Variants in OCRL observed in about 807,000 individuals in gnomAD.
OCRL encodes inositol polyphosphate 5-phosphatase OCRL.
Under a neutral mutation model 78.9 loss-of-function variants are expected in OCRL, and 8 were observed. The ratio of observed to expected loss-of-function variants is 0.10; its 90% confidence interval spans 0.06 to 0.18. The LOEUF is 0.18. Ranked by LOEUF, OCRL falls within the 10% of genes least tolerant of loss-of-function variation. OCRL has a pLI of 1.00. For missense variants in OCRL, 454 were observed against 696.7 expected (o/e 0.65, Z 3.92); for synonymous variants, 240 against 235.4 (o/e 1.02, Z -0.18).
chrX:129,545,460 G>T (rs1265564646), intron 3 of OCRL, among the ~76,000 whole-genome samples: 1 of 112,441 alleles, frequency 8.9e-6, no homozygotes, highest in Non-Finnish European at 1.9e-5. Context: ...AACATGCCTT[G>T]CCAGACTGTA....
intron 14 of OCRL, among the ~76,000 whole-genome samples, chrX:129,568,072 C>T (rs866375700): frequency 3.4e-4 from 37 of 110,241 alleles, no homozygotes; most frequent in African/African-American, 1.1e-3. Context: ...CGCCACCACG[C>T]CCGGCTAATT....
chrX:129,585,588 T>A (rs1180911936), intron 19 of OCRL, among the ~76,000 whole-genome samples: 1 of 112,106 alleles, frequency 8.9e-6, no homozygotes, highest in Non-Finnish European at 1.9e-5. Context: ...GATTTGATAT[T>A]TGTAACTGGA....
intron 3 of OCRL, among the ~76,000 whole-genome samples, chrX:129,547,540 A>AG (rs1316386095): frequency 2.7e-5 from 3 of 109,107 alleles, no homozygotes; most frequent in African/African-American, 1.0e-4. Flanking sequence ...AAAAAAAAAA[A>AG]AAAGAAAAAG....
chrX:129,562,138 A>G (rs113436438), intron 10 of OCRL, among the ~76,000 whole-genome samples: 1 of 112,041 alleles, frequency 8.9e-6, no homozygotes, highest in Non-Finnish European at 1.9e-5. Context: ...GATTAAAAGA[A>G]TAGATCTAGA....
intron 18 of OCRL, among the ~76,000 whole-genome samples, chrX:129,577,727 C>T (rs761575329): frequency 1.8e-3 from 201 of 111,954 alleles, no homozygotes; most frequent in Non-Finnish European, 3.0e-3. Flanking sequence ...ATACTTATTT[C>T]CCCAGAGCCC....
In OCRL at chrX:129,570,126, T is replaced by TA. The variant is rs770838648; in HGVS notation, c.1602+728dup. ...GTATTTTTAAACTGTGTGTTATTGG[T>TA]ATGTAGGTCATATCTTGTAATCATG... On this transcript the variant is annotated intron_variant, in intron 15 of 23. Transcript: ENST00000371113. 3.6e-5 allele frequency among the ~76,000 whole-genome samples: 4 copies of TA among 112,160 alleles called. No individual in the cohort carries two copies. In the South Asian group the frequency reaches 1.1e-3, roughly 31 times the overall value.
At chrX:129,569,833 AT>A (rs1347980120) in intron 15 of OCRL, among the ~76,000 whole-genome samples, 3 of 88,678 alleles carry the variant, frequency 3.4e-5, no homozygotes, top group Non-Finnish European at 6.9e-5. Context: ...CCCTACACTT[AT>A]TTTTTCTTTT....
chrX:129,542,080 C>T (rs373733545), intron 2 of OCRL, among the ~76,000 whole-genome samples: 1 of 111,998 alleles, frequency 8.9e-6, no homozygotes, highest in Non-Finnish European at 1.9e-5. Context: ...AGAGGTGACC[C>T]TTGGGCAAAC....
intron 15 of OCRL, among the ~76,000 whole-genome samples, chrX:129,570,057 A>G (rs1008762869): frequency 3.6e-5 from 4 of 110,290 alleles, no homozygotes; most frequent in African/African-American, 1.3e-4. Flanking sequence ...ATGGCCAGTT[A>G]TTTAATTTTC....
chrX:129,554,606 T>C (rs900497206), intron 4 of OCRL, among the ~76,000 whole-genome samples: 8 of 111,266 alleles, frequency 7.2e-5, no homozygotes, highest in Admixed American at 1.9e-4. Context: ...TTAGGACAAA[T>C]ACAGACACCA....
intron 4 of OCRL, among the ~76,000 whole-genome samples, chrX:129,551,012 T>C (rs963808578): frequency 4.5e-5 from 5 of 111,457 alleles, no homozygotes; most frequent in African/African-American, 1.6e-4. Context: ...GTATACTGAA[T>C]TTTAGCAAAT....
intron 18 of OCRL, 121 bp from the exon 19 acceptor site, chrX:129,584,223 G>T (rs1017992563): frequency 6.9e-6 from 4 of 581,268 alleles, no homozygotes; most frequent in Non-Finnish European, 1.2e-5. Flanking sequence ...ATTCAAAGCT[G>T]TTTAAAGCAT....
chrX:129,580,505 A>G (rs1005946148), intron 18 of OCRL, among the ~76,000 whole-genome samples: 1 of 112,168 alleles, frequency 8.9e-6, no homozygotes, highest in South Asian at 3.7e-4. Flanking sequence ...TGAGGTTGCA[A>G]ATTGATATAG....
chrX:129,553,520 G>A (rs758244701), intron 4 of OCRL, among the ~76,000 whole-genome samples: 4 of 111,999 alleles, frequency 3.6e-5, no homozygotes, highest in South Asian at 3.7e-4. Flanking sequence ...AAGGGAAAGC[G>A]TTAAGGATAT....
chrX:129,588,309 C>T lies in OCRL; in HGVS notation c.2341+46C>T, dbSNP rs202144920. 3.1e-4 allele frequency: 277 copies of T among 906,317 alleles called. 1 individual carries two copies. The African/African-American group carries it at 4.9e-3, about 16-fold the overall frequency. The allele number at this position is 906,317 out of a possible 1,213,427, so 74.7% of individuals were successfully genotyped here. ...TTAAGAAGCTGGATGAGTACTTGAT[C>T]AAACTCTTCTTCGCACCTATATTTG... On this transcript the variant is annotated intron_variant, in intron 21 of 23. Transcript: ENST00000371113.
chrX:129,561,773 T>C (rs960179811), intron 10 of OCRL, among the ~76,000 whole-genome samples: 23 of 111,664 alleles, frequency 2.1e-4, no homozygotes, highest in Non-Finnish European at 9.4e-5. Flanking sequence ...AGAAGGTATG[T>C]GGTAAAGGCA....
chrX:129,540,820 ATGAG>A lies in OCRL; in HGVS notation c.118_119+2del. The A allele has an allele frequency of 8.3e-7, 1 of 1,199,551 alleles. No homozygotes were observed. Among genetic ancestry groups the A allele is most frequent in the Non-Finnish European group, 1.1e-6 (1 of 884,423 alleles). ...ACCCTAGCCCAGAGGAACGGGCAAT[ATGAG>A]TAAGTAACCACCTGATTCCCACAGA... On this transcript the variant is annotated splice_donor_variant and coding_sequence_variant, in exon 2 of 24. Transcript: ENST00000371113. LOFTEE classifies it high-confidence loss of function.
rs916137555 is a variant in OCRL, at chrX:129,540,361, G to A, written c.-79G>A. 1 of 1,032,774 alleles carries A rather than the reference G, an allele frequency of 9.7e-7. No individual in the cohort carries two copies. The highest frequency in any genetic ancestry group is 1.3e-6 in the Non-Finnish European group (1 of 762,964). 85.1% of individuals were successfully genotyped at this position (1,032,774 alleles called of 1,213,427 possible). On this transcript the variant is annotated 5_prime_UTR_variant, in exon 1 of 24. In the 5' UTR this introduces an upstream ATG that the reference lacks. Coordinates refer to ENST00000371113, the MANE Select transcript of OCRL (RefSeq NM_000276.4). ...CTCAAACGACACGCAGCCGAGGTGG[G>A]TGGGTGTGGGGACGCGGGAGCCAGT...
intron 13 of OCRL, 112 bp downstream of exon 13, chrX:129,565,995 G>C: frequency 1.9e-6 from 1 of 539,113 alleles, no homozygotes; most frequent in Non-Finnish European, 3.2e-6. Context: ...ACTGTCTTGT[G>C]AAAACAGTGT....
Sources: gnomAD v4.1 joint callset for allele counts (sites outside exome capture counted in the v4.1 genomes callset) on GRCh38, gnomAD v4.1.1 for gene constraint, MANE v1.5 for transcripts, NCBI Gene and HGNC (gene_info 2026-07-23, HGNC 2026-07-21) for gene names.